C1QTNF9: variants seen among roughly 807,000 people sequenced by gnomAD.
The protein encoded by C1QTNF9 is complement C1q and tumor necrosis factor-related protein 9A.
In C1QTNF9, 6 loss-of-function variants were observed where a neutral mutation model predicts 10.1. That is an observed-to-expected ratio of 0.59 (90% CI 0.32 to 1.17). The LOEUF is 1.17. C1QTNF9 is among the 50% of genes most tolerant of loss of function. The pLI is 0.04. For synonymous variants in C1QTNF9, 98 were observed against 163.5 expected (o/e 0.60, Z 3.06); for missense variants, 201 against 418.8 (o/e 0.48, Z 4.54).
intron 2 of C1QTNF9, among the ~76,000 whole-genome samples, chr13:24,317,506 A>G (rs1235678538): frequency 2.0e-5 from 3 of 151,776 alleles, no homozygotes; most frequent in African/African-American, 4.8e-5. Context: ...TTATGTATCT[A>G]TTTTTCTACG....
intron 2 of C1QTNF9, among the ~76,000 whole-genome samples, chr13:24,317,062 G>A (rs1878066287): frequency 6.6e-6 from 1 of 152,134 alleles, no homozygotes; most frequent in South Asian, 2.1e-4. Context: ...GAAGCCAAGG[G>A]TCACCAGGAA....
chr13:24,314,915 C>G (rs1295327888), intron 1 of C1QTNF9, among the ~76,000 whole-genome samples: 1 of 149,520 alleles, frequency 6.7e-6, no homozygotes, highest in Non-Finnish European at 1.5e-5. Flanking sequence ...GTGTGTGTGG[C>G]CCTTCTTCAC....
intron 3 of C1QTNF9, among the ~76,000 whole-genome samples, chr13:24,319,638 C>T (rs988994558): frequency 4.6e-5 from 7 of 152,136 alleles, no homozygotes; most frequent in Admixed American, 1.3e-4. Flanking sequence ...CTGAATTTGG[C>T]CTGTGGCTGT....
chr13:24,314,666 G>A (rs1305744707), intron 1 of C1QTNF9, among the ~76,000 whole-genome samples: 3 of 151,998 alleles, frequency 2.0e-5, no homozygotes, highest in Non-Finnish European at 4.4e-5. Flanking sequence ...GGGCGAAACT[G>A]CATCTCGAAA....
chr13:24,317,724 T>G (rs1258127584), intron 2 of C1QTNF9, among the ~76,000 whole-genome samples: 1 of 151,922 alleles, frequency 6.6e-6, no homozygotes, highest in Non-Finnish European at 1.5e-5. Context: ...TCATGCTTTG[T>G]GAGTTGTGGT....
At chr13:24,307,576 C>T (rs758636931), upstream of C1QTNF9, among the ~76,000 whole-genome samples, 2 of 152,242 alleles carry the variant, frequency 1.3e-5, no homozygotes, top group Non-Finnish European at 2.9e-5. Flanking sequence ...GTGGCTACTG[C>T]CCACTTTTTG....
In C1QTNF9 at chr13:24,321,993, A is replaced by T. The variant is rs1878293238; in HGVS notation, c.*225A>T. ...TATTCTAATTTATTTCACATTTCTT[A>T]TTCCTATTATCTGAAGAATCCCTCG... is the stretch of plus-strand genomic sequence containing the variant. On this transcript the variant is annotated 3_prime_UTR_variant, in exon 4 of 4. Transcript: ENST00000332018. 4 of 549,322 alleles carry T rather than the reference A, an allele frequency of 7.3e-6. No individual in the cohort carries two copies. In the South Asian group the frequency reaches 1.9e-4, roughly 27 times the overall value. 34.0% of individuals were successfully genotyped at this position (549,322 alleles called of 1,614,324 possible).
intron 1 of C1QTNF9, among the ~76,000 whole-genome samples, chr13:24,312,714 T>A (rs1877876944): frequency 6.6e-6 from 1 of 152,028 alleles, no homozygotes; most frequent in South Asian, 2.1e-4. Flanking sequence ...CCCAGCACTT[T>A]GGGAGGCCGA....
At chr13:24,310,797 A>C (rs1461781956) in intron 1 of C1QTNF9, among the ~76,000 whole-genome samples, 2 of 151,548 alleles carry the variant, frequency 1.3e-5, no homozygotes, top group African/African-American at 4.9e-5. Context: ...CTGTAGTCCC[A>C]GCTACGCGGG....
chr13:24,317,495 A>G (rs568516970), intron 2 of C1QTNF9, among the ~76,000 whole-genome samples: 37 of 152,072 alleles, frequency 2.4e-4, no homozygotes, highest in Non-Finnish European at 4.9e-4. Flanking sequence ...TTAGAAGCAA[A>G]TTATGTATCT....
At chr13:24,318,768 A>T (rs1256879620) in intron 2 of C1QTNF9, 50 bp from the exon 3 acceptor site, 14 of 1,612,920 alleles carry the variant, frequency 8.7e-6, no homozygotes, top group Non-Finnish European at 1.2e-5. Context: ...TGGCCAGAAA[A>T]ATCAGAAATG....
At chr13:24,308,331 G>A (rs1593528759), upstream of C1QTNF9, among the ~76,000 whole-genome samples, 1 of 152,222 alleles carries the variant, frequency 6.6e-6, no homozygotes, top group Non-Finnish European at 1.5e-5. Flanking sequence ...TGCGGTGCAG[G>A]GGTCAGAGAC....
chr13:24,322,057 T>C (rs1393521218), exon 4 of C1QTNF9: 2 of 340,344 alleles, frequency 5.9e-6, no homozygotes, highest in East Asian at 6.3e-5. Flanking sequence ...TTAATATCAT[T>C]TTAGTGCTCT....
chr13:24,309,661 T>A (rs1877736893), intron 1 of C1QTNF9, 45 bp downstream of exon 1: 2 of 152,264 alleles, frequency 1.3e-5, no homozygotes, highest in Middle Eastern at 3.4e-3. Flanking sequence ...ATTTAAGCCA[T>A]CTAGGTCCTA....
At chr13:24,312,066 G>A (rs1394116237) in intron 1 of C1QTNF9, among the ~76,000 whole-genome samples, 2 of 152,158 alleles carry the variant, frequency 1.3e-5, no homozygotes, top group Non-Finnish European at 2.9e-5. Context: ...CTATTACTCT[G>A]GATGAAGGTG....
intron 2 of C1QTNF9, 86 bp downstream of exon 2, chr13:24,316,255 C>A: frequency 6.6e-7 from 1 of 1,522,170 alleles, no homozygotes; most frequent in Non-Finnish European, 9.0e-7. Context: ...TGATTTTCCA[C>A]CTACCCACTC....
At chr13:24,320,850 T>C (rs1263285032) in intron 3 of C1QTNF9, 146 bp from the exon 4 acceptor site, 8 of 669,124 alleles carry the variant, frequency 1.2e-5, no homozygotes, top group East Asian at 3.0e-5. Context: ...TGCACCCAGA[T>C]GGAGTAATTG....
chr13:24,320,394 A>AT (rs958475988), intron 3 of C1QTNF9, among the ~76,000 whole-genome samples: 8 of 151,758 alleles, frequency 5.3e-5, no homozygotes, highest in African/African-American at 1.2e-4. Flanking sequence ...ATTTATTTTT[A>AT]TTTTTTTTGA....
chr13:24,308,435 TG>T (rs1036904407), upstream of C1QTNF9, among the ~76,000 whole-genome samples: 1 of 150,564 alleles, frequency 6.6e-6, no homozygotes, highest in Non-Finnish European at 1.5e-5. Flanking sequence ...CCACCAAGAG[TG>T]GGGGCAGGCT....
Sources: allele counts gnomAD v4.1 joint callset (sites outside exome capture counted in the v4.1 genomes callset), GRCh38; gene constraint gnomAD v4.1.1; transcripts MANE v1.5; gene names NCBI Gene and HGNC (gene_info 2026-07-23, HGNC 2026-07-21).